The following PDGFD variants were observed in gnomAD, a reference collection of about 807,000 sequenced individuals.
PDGFD encodes the protein platelet-derived growth factor D.
In PDGFD, 30 loss-of-function variants were observed where a neutral mutation model predicts 44.7. That is an observed-to-expected ratio of 0.67 (90% confidence interval 0.50 to 0.91). The LOEUF is 0.91. Ranked by LOEUF, PDGFD falls within the 40% of genes least tolerant of loss-of-function variation. PDGFD has a pLI of 0.00. For missense variants in PDGFD, 445 were observed against 457.8 expected, an observed-to-expected ratio of 0.97 and a Z score of 0.25; for synonymous variants, 173 against 168.4, an observed-to-expected ratio of 1.03 and a Z score of -0.21.
At chr11:104,132,363 TTC>T (rs1861936969) in intron 1 of PDGFD, among the ~76,000 whole-genome samples, 1 of 152,112 alleles carries the variant, frequency 6.6e-6, no homozygotes, top group Non-Finnish European at 1.5e-5. Context: ...AAATTATTTT[TTC>T]TTTTTTTTCT....
At chr11:103,952,867 A>G (rs925523788) in intron 3 of PDGFD, among the ~76,000 whole-genome samples, 3 of 152,208 alleles carry the variant, frequency 2.0e-5, no homozygotes, top group African/African-American at 7.2e-5. Context: ...TTTGAAACAA[A>G]GCTCCCTCAT....
chr11:104,128,495 A>G (rs978311101), intron 1 of PDGFD, among the ~76,000 whole-genome samples: 17 of 152,168 alleles, frequency 1.1e-4, no homozygotes, highest in African/African-American at 4.1e-4. Context: ...GAGACCCTCT[A>G]GACACATAAA....
intron 3 of PDGFD, among the ~76,000 whole-genome samples, chr11:103,982,465 G>C (rs1042936392): frequency 6.6e-6 from 1 of 151,454 alleles, no homozygotes; most frequent in Non-Finnish European, 1.5e-5. Context: ...GGTTTTTATG[G>C]ATTAAAAAGA....
At chr11:104,040,214 C>T (rs998994532) in intron 1 of PDGFD, among the ~76,000 whole-genome samples, 1 of 152,052 alleles carries the variant, frequency 6.6e-6, no homozygotes, top group Non-Finnish European at 1.5e-5. Flanking sequence ...GATTCTTTAA[C>T]TGTTCCTCAT....
intron 1 of PDGFD, among the ~76,000 whole-genome samples, chr11:104,104,418 C>A (rs546350987): frequency 6.6e-6 from 1 of 152,240 alleles, no homozygotes; most frequent in African/African-American, 2.4e-5. Flanking sequence ...ACACCCAGGG[C>A]AACTTCCAGT....
intron 3 of PDGFD, among the ~76,000 whole-genome samples, chr11:103,975,180 A>G (rs1451931540): frequency 6.6e-6 from 1 of 152,120 alleles, no homozygotes; most frequent in East Asian, 1.9e-4. Context: ...AGCAATCACC[A>G]TTCTAACTAG....
chr11:103,929,687 C>T (rs1228904972), intron 5 of PDGFD, among the ~76,000 whole-genome samples: 4 of 152,184 alleles, frequency 2.6e-5, no homozygotes, highest in Non-Finnish European at 5.9e-5. Context: ...CACCGAGGCA[C>T]TCAATTTAGA....
intron 6 of PDGFD, among the ~76,000 whole-genome samples, chr11:103,912,536 T>TAA (rs1858044902): frequency 6.6e-6 from 1 of 152,132 alleles, no homozygotes; most frequent in Non-Finnish European, 1.5e-5. Context: ...TCCCAAATTG[T>TAA]AAAGACCATT....
At chr11:103,969,676 T>C (rs905969654) in intron 3 of PDGFD, among the ~76,000 whole-genome samples, 1 of 151,936 alleles carries the variant, frequency 6.6e-6, no homozygotes, top group Non-Finnish European at 1.5e-5. Flanking sequence ...ATTGCAATGA[T>C]TTTCATGCAT....
At chr11:103,952,428 G>T (rs1451324113) in intron 3 of PDGFD, among the ~76,000 whole-genome samples, 2 of 152,110 alleles carry the variant, frequency 1.3e-5, no homozygotes, top group African/African-American at 4.8e-5. Flanking sequence ...TCCTGCTCCT[G>T]AACTGTAGTA....
chr11:104,129,396 C>T (rs1017999086), intron 1 of PDGFD, among the ~76,000 whole-genome samples: 5 of 152,100 alleles, frequency 3.3e-5, no homozygotes, highest in African/African-American at 9.7e-5. Context: ...TAACCTGCAA[C>T]GTTTCCTCCT....
chr11:104,162,084 C>G (rs922325966), intron 1 of PDGFD, among the ~76,000 whole-genome samples: 1 of 150,820 alleles, frequency 6.6e-6, no homozygotes, highest in Non-Finnish European at 1.5e-5. Context: ...CCCATATAGA[C>G]TGAACAGATG....
At chr11:104,143,105 G>A (rs186186423) in intron 1 of PDGFD, among the ~76,000 whole-genome samples, 13 of 152,208 alleles carry the variant, frequency 8.5e-5, no homozygotes, top group South Asian at 2.1e-4. Context: ...GGATATTGTC[G>A]TTAATATTCT....
In PDGFD at chr11:103,979,723, T is replaced by A. The variant is rs558770846; in HGVS notation, c.510+16342A>T. ...GGTGAGTCAGGTTTGTAGATAATTC[T>A]AAGAGAAAACAGGCCACAAAACATA... On this transcript the variant is annotated intron_variant, in intron 3 of 6. Coordinates refer to ENST00000393158, the MANE Select transcript of PDGFD (RefSeq NM_025208.5). Among the ~76,000 whole-genome samples, 12 of 152,232 alleles carry A rather than the reference T, an allele frequency of 7.9e-5. 1 individual carries two copies. The South Asian group carries it at 2.5e-3, about 32-fold the overall frequency.
chr11:103,962,784 G>A (rs570940776), intron 3 of PDGFD, among the ~76,000 whole-genome samples: 43 of 152,220 alleles, frequency 2.8e-4, no homozygotes, highest in African/African-American at 9.4e-4. Flanking sequence ...TTCCTCCATA[G>A]GGTTAGTTTG....
chr11:104,067,009 A>G (rs925133504), intron 1 of PDGFD, among the ~76,000 whole-genome samples: 2 of 152,210 alleles, frequency 1.3e-5, no homozygotes, highest in Non-Finnish European at 2.9e-5. Context: ...GCTGGTGACG[A>G]AAGCTGACTG....
Position 104,163,961 on chromosome 11 carries a change from A to G in PDGFD, c.-34T>C. The G allele has an allele frequency of 6.7e-7, 1 of 1,501,602 alleles. No individual in the cohort carries two copies. Among genetic ancestry groups the G allele is most frequent in the Non-Finnish European group, 9.0e-7 (1 of 1,110,474 alleles). The allele number at this position is 1,501,602 out of a possible 1,614,324, so 93.0% of individuals were successfully genotyped here. A position where few individuals can be genotyped will look rare whatever the true frequency, so the allele number is the denominator to read the frequency against. ...AGCGACTAGAGACAGCGTCGCTCCAAGAAAAAGCCGGGTTCTGCTCCCGGG... is the reference window on the plus strand; with the variant it reads ...AGCGACTAGAGACAGCGTCGCTCCAGGAAAAAGCCGGGTTCTGCTCCCGGG... On this transcript the variant is annotated 5_prime_UTR_variant, in exon 1 of 7. Coordinates refer to ENST00000393158, the MANE Select transcript of PDGFD (RefSeq NM_025208.5).
intron 1 of PDGFD, among the ~76,000 whole-genome samples, chr11:104,098,393 G>A (rs1198994125): frequency 6.6e-6 from 1 of 152,008 alleles, no homozygotes; most frequent in Non-Finnish European, 1.5e-5. Flanking sequence ...TAAGGGGGAT[G>A]TTTGCTTTAC....
At chr11:104,100,533 G>A (rs1861361537) in intron 1 of PDGFD, among the ~76,000 whole-genome samples, 2 of 152,094 alleles carry the variant, frequency 1.3e-5, no homozygotes, top group African/African-American at 4.8e-5. Flanking sequence ...TCTACCAGAG[G>A]TACAAGGAGC....
Sources: gnomAD v4.1 joint callset for allele counts (sites outside exome capture counted in the v4.1 genomes callset) on GRCh38, gnomAD v4.1.1 for gene constraint, MANE v1.5 for transcripts, NCBI Gene and HGNC (gene_info 2026-07-23, HGNC 2026-07-21) for gene names.